The following PIEZO1 variants were observed in gnomAD, a reference collection of about 807,000 sequenced individuals.
PIEZO1 encodes piezo-type mechanosensitive ion channel component 1.
In PIEZO1, 296 loss-of-function variants were observed where a neutral mutation model predicts 297.2. The ratio of observed to expected loss-of-function variants is 1.00; its 90% CI spans 0.91 to 1.10. PIEZO1 has a LOEUF of 1.10. Ranked by LOEUF, PIEZO1 falls within the 50% of genes least tolerant of loss-of-function variation. PIEZO1 has a pLI of 0.00. For missense variants in PIEZO1, 5,018 were observed against 3,455.5 expected, an observed-to-expected ratio of 1.45 and a Z score of -11.34; for synonymous variants, 2,427 against 1,507.5, an observed-to-expected ratio of 1.61 and a Z score of -14.13.
chr16:88,750,191 C>T (rs533588402), intron 1 of PIEZO1, among the ~76,000 whole-genome samples: 3 of 152,058 alleles, frequency 2.0e-5, no homozygotes, highest in African/African-American at 4.8e-5. Flanking sequence ...CAAAAATTAG[C>T]TGGGTGTGGT....
intron 1 of PIEZO1, among the ~76,000 whole-genome samples, chr16:88,769,138 T>C (rs1907308362): frequency 6.6e-6 from 1 of 152,232 alleles, no homozygotes; most frequent in African/African-American, 2.4e-5. Context: ...CATAATGAGG[T>C]ATCTTGGGGA....
At chr16:88,721,479 A>C (rs1210865287) in intron 38 of PIEZO1, 49 bp from the exon 39 acceptor site, 1 of 1,538,216 alleles carries the variant, frequency 6.5e-7, no homozygotes, top group Non-Finnish European at 8.8e-7. Flanking sequence ...CCTGGTGGAG[A>C]GCACAGGTGC....
rs1462695942 is a variant in PIEZO1, at chr16:88,732,612, T to A, written c.2785A>T (p.Ile929Phe). ...CCACCAGCCCTTCAACTCACCTGGA[T>A]GTAGCCCAGGTTGGGGAACCCTTTC... Reference protein sequence around the residue: ...VRKGFPNLGYIQNHLQVLLLL... With the variant: ...VRKGFPNLGYFQNHLQVLLLL... The change falls in exon 20 of 51, where the codon ATC (isoleucine) becomes TTC (phenylalanine). Residue 929 changes from isoleucine to phenylalanine, a missense_variant. Transcript: ENST00000301015. 1 of 1,549,026 alleles carries A rather than the reference T, an allele frequency of 6.5e-7. No individual in the cohort carries two copies. The highest frequency in any genetic ancestry group is 2.0e-5 in the Admixed American group (1 of 50,914).
chr16:88,757,332 G>GGGGT (rs1906723592), intron 1 of PIEZO1, among the ~76,000 whole-genome samples: 3 of 118,164 alleles, frequency 2.5e-5, no homozygotes, highest in Non-Finnish European at 3.4e-5. Flanking sequence ...GGGGGTGGGG[G>GGGGT]GTAGTTACCT....
chr16:88,735,252 A>T lies in PIEZO1; in HGVS notation c.1558-6T>A. 1 of 1,544,376 alleles carries T rather than the reference A, an allele frequency of 6.5e-7. No individual in the cohort carries two copies. Among genetic ancestry groups the T allele is most frequent in the Non-Finnish European group, 8.8e-7 (1 of 1,141,478 alleles). On this transcript the variant is annotated splice_polypyrimidine_tract_variant and splice_region_variant and intron_variant, in intron 12 of 50. Coordinates refer to ENST00000301015, the MANE Select transcript of PIEZO1 (RefSeq NM_001142864.4). ...AAGGTCAGGGTGTAGAGCAACTGTG[A>T]CAAGCGCAGGGTGTCACAGTCAGCC... is the stretch of plus-strand genomic sequence containing the variant.
At position 88,723,916 on chromosome 16, in the gene PIEZO1, C is replaced by T. The variant is rs539058296; in HGVS notation, c.4290G>A (p.Glu1430=). Residue 1430 remains glutamate, a synonymous_variant, in exon 31 of 51, where the codon GAG becomes GAA. Transcript: ENST00000301015. ...ACGGCCTCGGGTCTTCAGGAACAGC[C>T]TCCTCCTCTTCCTCACTGTCGGACT... ...LFESDSEEEE[E]AVPEDPRPSA... 2.6e-6 allele frequency: 4 copies of T among 1,549,804 alleles called. No individual in the cohort carries two copies. Among genetic ancestry groups the T allele is most frequent in the African/African-American group, 2.7e-5 (2 of 73,182 alleles).
In PIEZO1 at chr16:88,736,853, CG is replaced by C. The variant is rs1238566976; in HGVS notation, c.1196-115del. ...GCACACAGCAGGAGAGACAGGCCCC[CG>C]GTGGGCTATGGGCAGAACACGAGGG... On this transcript the variant is annotated intron_variant, in intron 10 of 50. Coordinates refer to ENST00000301015, the MANE Select transcript of PIEZO1 (RefSeq NM_001142864.4). 7.8e-6 allele frequency: 5 copies of C among 639,586 alleles called. No individual in the cohort carries two copies. The Admixed American group carries it at 1.2e-4, about 16-fold the overall frequency. 39.6% of individuals were successfully genotyped at this position (639,586 alleles called of 1,614,324 possible). A position where few individuals can be genotyped will look rare whatever the true frequency, so the allele number is the denominator to read the frequency against.
chr16:88,776,073 G>C (rs564375085), intron 1 of PIEZO1, among the ~76,000 whole-genome samples: 33 of 152,328 alleles, frequency 2.2e-4, no homozygotes, highest in African/African-American at 7.5e-4. Context: ...GGGAGCGCAG[G>C]GGCAGTTTCC....
intron 1 of PIEZO1, among the ~76,000 whole-genome samples, chr16:88,750,367 T>G (rs1486332325): frequency 6.6e-6 from 1 of 152,196 alleles, no homozygotes; most frequent in African/African-American, 2.4e-5. Flanking sequence ...ATGCTATGAT[T>G]CCTGCCCCCA....
At position 88,721,540 on chromosome 16, in the gene PIEZO1, G is replaced by A. The variant is rs746770283; in HGVS notation, c.5401C>T (p.Leu1801=). The change falls in exon 38 of 51, where the codon CTG becomes TTG. Residue 1801 remains leucine, a splice_region_variant and synonymous_variant. Coordinates refer to ENST00000301015, the MANE Select transcript of PIEZO1 (RefSeq NM_001142864.4). ...MALFFHRSQL[L]CYGLWDHEED... is the part of the protein sequence containing the mutation. ...TGCCAGCCAAGGCTCACACTCACCAGCAGCTGGGAGCGGTGGAAGAAAAGG... is the reference window on the plus strand; with the variant it reads ...TGCCAGCCAAGGCTCACACTCACCAACAGCTGGGAGCGGTGGAAGAAAAGG... 30 of 1,548,334 alleles carry A rather than the reference G, an allele frequency of 1.9e-5. No homozygotes were observed. The highest frequency in any genetic ancestry group is 1.9e-4 in the African/African-American group (14 of 73,010).
chr16:88,734,173 G>A (rs1597457619), intron 16 of PIEZO1, 119 bp from the exon 17 acceptor site: 1 of 1,320,846 alleles, frequency 7.6e-7, no homozygotes, highest in South Asian at 1.5e-5. Context: ...GTGCACAGCT[G>A]TGTCGCAACT....
At chr16:88,732,314 G>A (rs988786743) in intron 21 of PIEZO1, 21 bp downstream of exon 21, 6 of 1,540,486 alleles carry the variant, frequency 3.9e-6, no homozygotes, top group African/African-American at 1.4e-5. Context: ...GCCCCAGGGG[G>A]AGGCAATGTC....
chr16:88,749,479 G>A lies in PIEZO1; in HGVS notation c.65C>T (p.Ala22Val), dbSNP rs762733409. Reference sequence around the variant, plus strand: ...GAGTCCGCTGAAGCGGAGCAGGCAGGCTGCGGGGAGATGGGCGTTAACTAG... The same window carrying A: ...GAGTCCGCTGAAGCGGAGCAGGCAGACTGCGGGGAGATGGGCGTTAACTAG... ...WLLLPCALLA[A>V]CLLRFSGLSL... Residue 22 changes from alanine to valine, a missense_variant and splice_region_variant, in exon 2 of 51, where the codon GCC becomes GTC. Physicochemically the swap from Ala to Val is moderately conservative, Grantham distance 64 (BLOSUM62 0). Transcript: ENST00000301015. 23 of 1,525,490 alleles carry A rather than the reference G, an allele frequency of 1.5e-5. 1 individual carries two copies. The South Asian group carries it at 2.7e-4, about 18-fold the overall frequency. 94.5% of individuals were successfully genotyped at this position (1,525,490 alleles called of 1,614,324 possible).
chr16:88,742,594 C>G (rs1050282318), intron 2 of PIEZO1, among the ~76,000 whole-genome samples, 172 bp from the exon 3 acceptor site: 8 of 152,206 alleles, frequency 5.3e-5, no homozygotes, highest in Admixed American at 4.6e-4. Context: ...ACTCCCCACG[C>G]CTCCCGAGGG....
chr16:88,782,778 C>G (rs1907991344), intron 1 of PIEZO1, among the ~76,000 whole-genome samples: 1 of 152,230 alleles, frequency 6.6e-6, no homozygotes, highest in South Asian at 2.1e-4. Context: ...TGAACCTGCA[C>G]ATCGCGGGTC....
At chr16:88,749,113 G>T (rs192802834) in intron 2 of PIEZO1, among the ~76,000 whole-genome samples, 2 of 151,110 alleles carry the variant, frequency 1.3e-5, no homozygotes, top group Non-Finnish European at 3.0e-5. Context: ...GGTGGCGGGC[G>T]CCTGTAGTCC....
Position 88,781,451 on chromosome 16 carries a change from C to T in PIEZO1, c.64+3450G>A, listed in dbSNP as rs182884312. Reference sequence around the variant, plus strand: ...AAACACGCACACATGTGCACACTCACACCTGCAGCCCTTGGTGCTGTGAGG... The same window carrying T: ...AAACACGCACACATGTGCACACTCATACCTGCAGCCCTTGGTGCTGTGAGG... On this transcript the variant is annotated intron_variant, in intron 1 of 50. Transcript: ENST00000301015. Among the ~76,000 whole-genome samples the T allele has an allele frequency of 1.3e-3, 196 of 152,384 alleles. 1 individual carries two copies. Among genetic ancestry groups the T allele is most frequent in the Middle Eastern group, 6.8e-3 (2 of 294 alleles).
intron 1 of PIEZO1, among the ~76,000 whole-genome samples, chr16:88,768,772 G>T (rs543939201): frequency 9.2e-5 from 14 of 152,268 alleles, no homozygotes; most frequent in Non-Finnish European, 2.1e-4. Flanking sequence ...CTCCCTTCTA[G>T]GCCTCGGCCA....
chr16:88,742,287 C>A lies in PIEZO1; in HGVS notation c.283+13G>T, dbSNP rs1416003210. The stretch of plus-strand genomic sequence containing the variant: ...AGGATGGCTATCCCTACCCCGCCCC[C>A]TCAGCGACTCACAGCTGGGTCCCAG... On this transcript the variant is annotated intron_variant, in intron 3 of 50. Coordinates refer to ENST00000301015, the MANE Select transcript of PIEZO1 (RefSeq NM_001142864.4). 2.8e-5 allele frequency: 43 copies of A among 1,529,028 alleles called. No individual in the cohort carries two copies. The highest frequency in any genetic ancestry group is 3.6e-5 in the Non-Finnish European group (41 of 1,142,600). The allele number at this position is 1,529,028 out of a possible 1,614,324, so 94.7% of individuals were successfully genotyped here.
Sources: gnomAD v4.1 joint callset for allele counts (sites outside exome capture counted in the v4.1 genomes callset) on GRCh38, gnomAD v4.1.1 for gene constraint, MANE v1.5 for transcripts, NCBI Gene and HGNC (gene_info 2026-07-23, HGNC 2026-07-21) for gene names.